Variants in PHIP observed in about 807,000 individuals in gnomAD.
The protein encoded by PHIP is PHIP subunit of CUL4-Ring ligase complex.
Under a neutral mutation model 236.8 loss-of-function variants are expected in PHIP, and 54 were observed. The ratio of observed to expected loss-of-function variants is 0.23; its 90% confidence interval spans 0.18 to 0.29. PHIP has a LOEUF of 0.29. Ranked by LOEUF, PHIP falls within the 10% of genes least tolerant of loss-of-function variation. The pLI is 1.00. For missense variants in PHIP, 1,370 were observed against 2,190.8 expected, an observed-to-expected ratio of 0.63 and a Z score of 7.48; for synonymous variants, 756 against 718.9, an observed-to-expected ratio of 1.05 and a Z score of -0.83.
intron 24 of PHIP, among the ~76,000 whole-genome samples, chr6:78,971,339 T>C (rs1383660604): frequency 6.6e-6 from 1 of 152,234 alleles, no homozygotes; most frequent in Non-Finnish European, 1.5e-5. Flanking sequence ...TTTATCCACA[T>C]TTCATGAAGA....
At chr6:79,044,745 G>A (rs1772389468) in intron 6 of PHIP, among the ~76,000 whole-genome samples, 1 of 152,056 alleles carries the variant, frequency 6.6e-6, no homozygotes, top group Non-Finnish European at 1.5e-5. Context: ...AATATATCAA[G>A]ACCCATTTCT....
chr6:78,970,180 G>C lies in PHIP; in HGVS notation c.2998-7C>G. 1 of 1,608,632 alleles carries C rather than the reference G, an allele frequency of 6.2e-7. No individual in the cohort carries two copies. The highest frequency in any genetic ancestry group is 8.5e-7 in the Non-Finnish European group (1 of 1,176,202). On this transcript the variant is annotated splice_polypyrimidine_tract_variant and splice_region_variant and intron_variant, in intron 25 of 39. Coordinates refer to ENST00000275034, the MANE Select transcript of PHIP (RefSeq NM_017934.7). ...TTTTCATAAGTTCTTGTTCCTGAGAGAGACAGAGAATATAAGGAACCATCT... is the reference window on the plus strand; with the variant it reads ...TTTTCATAAGTTCTTGTTCCTGAGACAGACAGAGAATATAAGGAACCATCT...
intron 19 of PHIP, among the ~76,000 whole-genome samples, chr6:78,993,290 A>G (rs1200410589): frequency 2.0e-5 from 3 of 152,238 alleles, no homozygotes; most frequent in Non-Finnish European, 4.4e-5. Context: ...GTGCTGATGA[A>G]GTAGCTGCAG....
intron 9 of PHIP, among the ~76,000 whole-genome samples, chr6:79,020,878 A>T (rs1771084001): frequency 6.6e-6 from 1 of 152,200 alleles, no homozygotes; most frequent in South Asian, 2.1e-4. Flanking sequence ...TATAAGTTAA[A>T]TTACAGCCAA....
At chr6:78,961,192 A>T (rs1766753076) in intron 31 of PHIP, among the ~76,000 whole-genome samples, 1 of 152,102 alleles carries the variant, frequency 6.6e-6, no homozygotes, top group Admixed American at 6.6e-5. Flanking sequence ...TTCATGCTAA[A>T]CTACAACTAT....
chr6:79,064,100 T>A (rs1773510940), intron 4 of PHIP, among the ~76,000 whole-genome samples: 1 of 152,096 alleles, frequency 6.6e-6, no homozygotes. Flanking sequence ...ACCAATTCTG[T>A]CTCTTATTAA....
In PHIP at chr6:78,997,446, C is replaced by T. The variant is rs1349845058; in HGVS notation, c.2169G>A (p.Val723=). The T allele has an allele frequency of 6.2e-6, 10 of 1,613,864 alleles. No homozygotes were observed. In the Admixed American group the frequency reaches 6.7e-5, roughly 11 times the overall value. The change falls in exon 19 of 40, where the codon GTG becomes GTA. Residue 723 remains valine, a synonymous_variant. Transcript: ENST00000275034. ...CACCAGCTGATAGCTCGGGTACTACCACCCTTCGACTCCAAGCTACCAGAT... is the reference window on the plus strand; with the variant it reads ...CACCAGCTGATAGCTCGGGTACTACTACCCTTCGACTCCAAGCTACCAGAT... ...ERDLVAWSRR[V]VVPELSAGVA...
chr6:79,000,535 T>C (rs1769918293), intron 17 of PHIP, among the ~76,000 whole-genome samples: 1 of 152,020 alleles, frequency 6.6e-6, no homozygotes, highest in African/African-American at 2.4e-5. Flanking sequence ...ATAATAATAA[T>C]TAATTAGCAC....
chr6:78,974,523 G>C (rs1317559932), intron 24 of PHIP, among the ~76,000 whole-genome samples: 1 of 151,296 alleles, frequency 6.6e-6, no homozygotes, highest in African/African-American at 2.4e-5. Flanking sequence ...AAATAACTAA[G>C]ATCAGAGCAG....
chr6:79,000,607 T>G (rs1229755319), intron 17 of PHIP, among the ~76,000 whole-genome samples: 1 of 152,096 alleles, frequency 6.6e-6, no homozygotes, highest in Non-Finnish European at 1.5e-5. Flanking sequence ...AAAGTAGCTA[T>G]CTATTTTGAG....
At chr6:79,055,492 G>A (rs576704189) in intron 6 of PHIP, among the ~76,000 whole-genome samples, 7 of 152,224 alleles carry the variant, frequency 4.6e-5, no homozygotes, top group Admixed American at 2.0e-4. Context: ...TAATACCTTT[G>A]GAAGTAAATG....
intron 9 of PHIP, among the ~76,000 whole-genome samples, chr6:79,020,716 A>G (rs1364603079): frequency 6.6e-6 from 1 of 152,212 alleles, no homozygotes; most frequent in Admixed American, 6.5e-5. Flanking sequence ...TCGCTACAAC[A>G]CTGTTCACAA....
intron 21 of PHIP, among the ~76,000 whole-genome samples, 163 bp downstream of exon 21, chr6:78,988,046 G>A (rs1246557378): frequency 6.6e-6 from 1 of 152,086 alleles, no homozygotes; most frequent in Non-Finnish European, 1.5e-5. Context: ...TGTGTGCCAT[G>A]CCTAGAAATA....
At chr6:78,942,597 A>T (rs1425592809) in intron 39 of PHIP, among the ~76,000 whole-genome samples, 1 of 152,014 alleles carries the variant, frequency 6.6e-6, no homozygotes. Flanking sequence ...TAGTGAAATG[A>T]CTCTCTTTAG....
intron 7 of PHIP, among the ~76,000 whole-genome samples, chr6:79,026,907 T>A (rs550271487): frequency 6.6e-6 from 1 of 151,862 alleles, no homozygotes; most frequent in African/African-American, 2.4e-5. Context: ...TCCCCATATA[T>A]CTACTTCCCA....
chr6:79,035,701 G>A (rs1771899340), intron 7 of PHIP, among the ~76,000 whole-genome samples: 1 of 151,078 alleles, frequency 6.6e-6, no homozygotes, highest in Non-Finnish European at 1.5e-5. Context: ...TGCCAAAAAT[G>A]TTGTCTGTAT....
intron 19 of PHIP, among the ~76,000 whole-genome samples, chr6:78,991,843 T>G (rs1002096999): frequency 1.3e-5 from 2 of 150,778 alleles, no homozygotes; most frequent in Admixed American, 1.3e-4. Flanking sequence ...ATTTAATTTT[T>G]TTGTTCTTAA....
intron 24 of PHIP, among the ~76,000 whole-genome samples, chr6:78,976,791 C>G (rs1251921322): frequency 5.5e-5 from 8 of 144,636 alleles, no homozygotes; most frequent in South Asian, 4.6e-4. Flanking sequence ...ACCATCACTG[C>G]CCATCAGAGA....
In PHIP at chr6:79,078,212, C is replaced by A. The variant is rs887635432; in HGVS notation, c.-144G>T. On this transcript the variant is annotated 5_prime_UTR_variant, in exon 1 of 40. Coordinates refer to ENST00000275034, the MANE Select transcript of PHIP (RefSeq NM_017934.7). The stretch of plus-strand genomic sequence containing the variant: ...ACCATTCAAGCAACGGCGGCGGAGG[C>A]GGAGGAGGAGGAGGAGGAAACAACA... The A allele has an allele frequency of 1.4e-5, 10 of 728,386 alleles. 1 individual carries two copies. The highest frequency in any genetic ancestry group is 1.8e-5 in the South Asian group (1 of 56,260). 45.1% of individuals were successfully genotyped at this position (728,386 alleles called of 1,614,324 possible). A position where few individuals can be genotyped will look rare whatever the true frequency, so the allele number is the denominator to read the frequency against.
Sources: gnomAD v4.1 joint callset for allele counts (sites outside exome capture counted in the v4.1 genomes callset) on GRCh38, gnomAD v4.1.1 for gene constraint, MANE v1.5 for transcripts, NCBI Gene and HGNC (gene_info 2026-07-23, HGNC 2026-07-21) for gene names.